Variants in GALNT18 observed in about 807,000 individuals in gnomAD.
The protein encoded by GALNT18 is polypeptide N-acetylgalactosaminyltransferase 18.
A neutral mutation model predicts 69.5 loss-of-function variants in GALNT18; 44 were observed. That is an observed-to-expected ratio of 0.63 (90% CI 0.50 to 0.81). The LOEUF is 0.81. Ranked by LOEUF, GALNT18 falls within the 40% of genes least tolerant of loss-of-function variation. The pLI is 0.00. For missense variants in GALNT18, 715 were observed against 810.0 expected, an observed-to-expected ratio of 0.88 and a Z score of 1.42; for synonymous variants, 364 against 318.2, an observed-to-expected ratio of 1.14 and a Z score of -1.53.
chr11:11,339,763 T>C lies in GALNT18; in HGVS notation c.1278+1056A>G, dbSNP rs1850171790. On this transcript the variant is annotated intron_variant, in intron 7 of 10. Transcript: ENST00000227756. This position sits in a 1 kb window ranked among gnomAD's most constrained non-coding sequence, Gnocchi z 5.2. Reference sequence around the variant, plus strand: ...GTGGGAGTATGCAACCCAACTCAAGTTCCCCTCTCCTACGGTGGTGGTGTG... The same window carrying C: ...GTGGGAGTATGCAACCCAACTCAAGCTCCCCTCTCCTACGGTGGTGGTGTG... 6.6e-6 allele frequency among the ~76,000 whole-genome samples: 1 copy of C among 152,226 alleles called. No homozygotes were observed. Among genetic ancestry groups the C allele is most frequent in the Admixed American group, 6.5e-5 (1 of 15,288 alleles).
intron 10 of GALNT18, among the ~76,000 whole-genome samples, chr11:11,284,805 G>A (rs1204711226): frequency 1.4e-5 from 2 of 142,338 alleles, no homozygotes; most frequent in Non-Finnish European, 3.0e-5. Context: ...GGACATTACA[G>A]CTAGTTAAAG....
chr11:11,284,908 G>GCTTTTTTT (rs766754289), intron 10 of GALNT18, among the ~76,000 whole-genome samples: 1 of 82,822 alleles, frequency 1.2e-5, no homozygotes, highest in African/African-American at 6.1e-5. Flanking sequence ...AGACTTTCGT[G>GCTTTTTTT]TTTTTTTTTT....
intron 3 of GALNT18, among the ~76,000 whole-genome samples, chr11:11,399,031 C>T (rs1046888241): frequency 1.3e-5 from 2 of 152,114 alleles, no homozygotes; most frequent in African/African-American, 4.8e-5. Flanking sequence ...ACATGCTTCC[C>T]CAAAATTCAT....
rs544465140 is a variant in GALNT18, at chr11:11,387,631, T to C, written c.596-8367A>G. On this transcript the variant is annotated intron_variant, in intron 3 of 10. Coordinates refer to ENST00000227756, the MANE Select transcript of GALNT18 (RefSeq NM_198516.3). This position sits in a 1 kb window ranked among gnomAD's most constrained non-coding sequence, Gnocchi z 4.6. ...TAGGGCCATTGAAACACAAATGCTA[T>C]GTCAACACATTTTAAAGGAGAGATT... Among the ~76,000 whole-genome samples the C allele has an allele frequency of 2.1e-4, 32 of 152,378 alleles. No homozygotes were observed. Among genetic ancestry groups the C allele is most frequent in the Admixed American group, 1.1e-3 (17 of 15,308 alleles).
chr11:11,487,407 T>C (rs1856667998), intron 1 of GALNT18, among the ~76,000 whole-genome samples: 1 of 152,006 alleles, frequency 6.6e-6, no homozygotes, highest in Admixed American at 6.6e-5. Flanking sequence ...CAAAAAACTA[T>C]GGAAATAAAA....
intron 1 of GALNT18, among the ~76,000 whole-genome samples, chr11:11,599,441 G>A (rs939606836): frequency 1.3e-5 from 2 of 151,818 alleles, no homozygotes; most frequent in South Asian, 2.1e-4. Flanking sequence ...ATTACTGTTT[G>A]CATTGTGTAT....
chr11:11,611,822 C>G (rs1052336309), intron 1 of GALNT18, among the ~76,000 whole-genome samples: 4 of 152,176 alleles, frequency 2.6e-5, no homozygotes, highest in African/African-American at 4.8e-5. Flanking sequence ...CTGGAGGCCC[C>G]ACAGTGACCT....
intron 8 of GALNT18, among the ~76,000 whole-genome samples, chr11:11,330,758 T>C (rs1850004376): frequency 6.6e-6 from 1 of 152,248 alleles, no homozygotes; most frequent in South Asian, 2.1e-4. Context: ...GTTAAACCTG[T>C]TGCACACATG....
chr11:11,462,283 TTTTTTTC>T lies in GALNT18; in HGVS notation c.236-13354_236-13348del, dbSNP rs927744720. ...TGTGGCAAAGTCTTTTCTTTTTTTTTTTTTTTCCTTTGCGATGGAGTCTTGCTCTGTC... is the reference window on the plus strand; with the variant it reads ...TGTGGCAAAGTCTTTTCTTTTTTTTTCTTTGCGATGGAGTCTTGCTCTGTC... On this transcript the variant is annotated intron_variant, in intron 1 of 10. Transcript: ENST00000227756. 5.5e-3 allele frequency among the ~76,000 whole-genome samples: 737 copies of T among 134,956 alleles called. 5 individuals are homozygous for T. The highest frequency in any genetic ancestry group is 7.8e-3 in the Non-Finnish European group (469 of 59,786). The allele number at this position is 134,956 out of a possible 152,430, so 88.5% of individuals were successfully genotyped here.
At chr11:11,287,291 A>G (rs1849212131) in intron 10 of GALNT18, among the ~76,000 whole-genome samples, 1 of 151,428 alleles carries the variant, frequency 6.6e-6, no homozygotes, top group South Asian at 2.1e-4. Flanking sequence ...ACCACATCAT[A>G]ACAACAGCCT....
chr11:11,295,919 G>A (rs1194716141), intron 9 of GALNT18, among the ~76,000 whole-genome samples: 2 of 152,120 alleles, frequency 1.3e-5, no homozygotes, highest in African/African-American at 4.8e-5. Flanking sequence ...CTGGGCAAGA[G>A]GTGGTTTGCT....
intron 1 of GALNT18, among the ~76,000 whole-genome samples, chr11:11,545,156 T>G (rs979239295): frequency 6.6e-6 from 1 of 152,206 alleles, no homozygotes; most frequent in East Asian, 1.9e-4. Context: ...CTTGCTCAAG[T>G]TCACATGAAT....
At chr11:11,472,881 A>C (rs1330366715) in intron 1 of GALNT18, among the ~76,000 whole-genome samples, 1 of 152,030 alleles carries the variant, frequency 6.6e-6, no homozygotes, top group African/African-American at 2.4e-5. Context: ...AGTCCCAGCT[A>C]CTCAGGAGGC....
intron 7 of GALNT18, among the ~76,000 whole-genome samples, chr11:11,334,784 C>T (rs1850081469): frequency 6.6e-6 from 1 of 152,138 alleles, no homozygotes; most frequent in Admixed American, 6.5e-5. Flanking sequence ...CTCTGCTGGA[C>T]TCCGGCTCCT....
At chr11:11,288,192 T>C (rs1039574603) in intron 10 of GALNT18, among the ~76,000 whole-genome samples, 1 of 152,160 alleles carries the variant, frequency 6.6e-6, no homozygotes, top group Non-Finnish European at 1.5e-5. Flanking sequence ...TTGGAATGGC[T>C]TTCAACAACC....
intron 3 of GALNT18, among the ~76,000 whole-genome samples, chr11:11,386,725 G>A (rs754517835): frequency 5.9e-5 from 9 of 151,922 alleles, no homozygotes; most frequent in South Asian, 4.2e-4. Context: ...TATTATTATC[G>A]TTCTATTTTG....
rs146084827 is a variant in GALNT18, at chr11:11,314,891, T to C, written c.1512+12195A>G. On this transcript the variant is annotated intron_variant, in intron 9 of 10. Coordinates refer to ENST00000227756, the MANE Select transcript of GALNT18 (RefSeq NM_198516.3). This position sits in a 1 kb window ranked among gnomAD's most constrained non-coding sequence, Gnocchi z 5.2. ...ACCTACAATCATGTTCTAGGACTTA[T>C]GGCCTACACACTCAACTATTGGTGG... is the stretch of plus-strand genomic sequence containing the variant. Among the ~76,000 whole-genome samples the C allele has an allele frequency of 3.6e-3, 553 of 152,320 alleles. 11 individuals carry two copies. In the South Asian group the frequency reaches 0.054, roughly 15 times the overall value.
chr11:11,575,430 C>T (rs11021942), intron 1 of GALNT18, among the ~76,000 whole-genome samples: 1 of 152,328 alleles, frequency 6.6e-6, no homozygotes, highest in East Asian at 1.9e-4. Flanking sequence ...CACCCTCTGA[C>T]CTCTCAGGAG....
chr11:11,574,969 G>A, intron 1 of GALNT18, among the ~76,000 whole-genome samples: 1 of 152,186 alleles, frequency 6.6e-6, no homozygotes, highest in South Asian at 2.1e-4. Context: ...TGGTGTTCTT[G>A]GACCAGGTTT....
Sources: gnomAD v4.1 joint callset for allele counts (sites outside exome capture counted in the v4.1 genomes callset) on GRCh38, gnomAD v4.1.1 for gene constraint, Gnocchi (gnomAD v3.1) non-coding constraint, MANE v1.5 for transcripts, NCBI Gene and HGNC (gene_info 2026-07-23, HGNC 2026-07-21) for gene names.